RYR2: variants seen among roughly 807,000 people sequenced by gnomAD.
RYR2 encodes ryanodine receptor 2, also known as cardiac muscle ryanodine receptor-calcium release channel.
A neutral mutation model predicts 601.1 loss-of-function variants in RYR2; 227 were observed. That is an observed-to-expected ratio of 0.38 (90% CI 0.34 to 0.42). RYR2 has a LOEUF of 0.42. Among genes scored for constraint, RYR2 ranks in the 10% least tolerant of loss-of-function variants. The probability of loss-of-function intolerance (pLI) is 1.00; values close to 1 mark genes in which losing one functional copy is unlikely to be tolerated. For synonymous variants in RYR2, 2,223 were observed against 2,175.1 expected (o/e 1.02, Z -0.61); for missense variants, 4,646 against 6,156.5 (o/e 0.75, Z 8.21).
chr1:237,626,847 A>G (rs1353909242), intron 40 of RYR2, among the ~76,000 whole-genome samples: 2 of 152,022 alleles, frequency 1.3e-5, no homozygotes, highest in Non-Finnish European at 2.9e-5. Context: ...TGCTGGGATT[A>G]TAGGAGTGAG....
At chr1:237,377,057 G>A (rs1186753507) in intron 7 of RYR2, among the ~76,000 whole-genome samples, 1 of 152,038 alleles carries the variant, frequency 6.6e-6, no homozygotes, top group Non-Finnish European at 1.5e-5. Context: ...TTTAGCCTTA[G>A]ATGAGTATAA....
chr1:237,612,520 T>C (rs962185818), intron 36 of RYR2, among the ~76,000 whole-genome samples: 1 of 152,178 alleles, frequency 6.6e-6, no homozygotes, highest in Non-Finnish European at 1.5e-5. Flanking sequence ...TACATATGTA[T>C]TTACATTTTT....
intron 1 of RYR2, among the ~76,000 whole-genome samples, chr1:237,193,204 G>C (rs1680187969): frequency 6.6e-6 from 1 of 150,528 alleles, no homozygotes; most frequent in Non-Finnish European, 1.5e-5. Context: ...GGTGGCTCAA[G>C]TCTGTAATCA....
intron 35 of RYR2, among the ~76,000 whole-genome samples, chr1:237,603,516 C>T (rs951240747): frequency 6.6e-6 from 1 of 152,218 alleles, no homozygotes; most frequent in Non-Finnish European, 1.5e-5. Flanking sequence ...GAAACTGCGT[C>T]AACTAATGAG....
At chr1:237,385,280 G>A (rs974227172) in intron 8 of RYR2, among the ~76,000 whole-genome samples, 13 of 152,052 alleles carry the variant, frequency 8.5e-5, no homozygotes, top group African/African-American at 2.9e-4. Context: ...TTTTACATAT[G>A]CATATACATA....
At chr1:237,216,162 CAACTT>C (rs1398619757) in intron 1 of RYR2, among the ~76,000 whole-genome samples, 1 of 152,082 alleles carries the variant, frequency 6.6e-6, no homozygotes, top group African/African-American at 2.4e-5. Flanking sequence ...TTAGGACCTT[CAACTT>C]AACTTTAATT....
intron 2 of RYR2, among the ~76,000 whole-genome samples, chr1:237,324,102 A>C (rs1347011538): frequency 6.6e-6 from 1 of 152,216 alleles, no homozygotes; most frequent in African/African-American, 2.4e-5. Flanking sequence ...TGGGGTTTTG[A>C]AGCAATGTAA....
chr1:237,801,367 CAAAAA>C (rs71162423), intron 97 of RYR2, among the ~76,000 whole-genome samples: 1,696 of 95,482 alleles, frequency 0.018, 11 homozygotes, highest in African/African-American at 0.042. Context: ...CCCATCTCTA[CAAAAA>C]AAAAAAAAAA....
intron 100 of RYR2, among the ~76,000 whole-genome samples, chr1:237,810,967 CTG>C (rs1401145429): frequency 4.6e-5 from 7 of 152,054 alleles, no homozygotes; most frequent in Non-Finnish European, 7.4e-5. Context: ...TCATAGGACA[CTG>C]TGAACAAGGA....
chr1:237,352,862 A>G (rs761697314), intron 3 of RYR2: 1 of 515,932 alleles, frequency 1.9e-6, no homozygotes, highest in Non-Finnish European at 3.9e-6. Flanking sequence ...TTGGATAGGT[A>G]TACAAGGGTG....
chr1:237,624,001 C>T, intron 39 of RYR2, 131 bp downstream of exon 39: 2 of 654,056 alleles, frequency 3.1e-6, no homozygotes, highest in Non-Finnish European at 5.3e-6. Context: ...TATATAAAAA[C>T]ATTTATTATT....
intron 1 of RYR2, among the ~76,000 whole-genome samples, chr1:237,262,231 C>A (rs913261054): frequency 1.8e-5 from 2 of 112,042 alleles, no homozygotes; most frequent in African/African-American, 6.6e-5. Flanking sequence ...AATATTAGAT[C>A]TCTGTTCTAA....
chr1:237,624,885 T>C (rs1679474624), intron 39 of RYR2, among the ~76,000 whole-genome samples: 1 of 152,130 alleles, frequency 6.6e-6, no homozygotes, highest in Non-Finnish European at 1.5e-5. Flanking sequence ...TTAATGAAGA[T>C]AATAAAAACA....
chr1:237,056,477 C>T (rs1336413229), intron 1 of RYR2, among the ~76,000 whole-genome samples: 2 of 136,720 alleles, frequency 1.5e-5, no homozygotes, highest in African/African-American at 2.8e-5. Flanking sequence ...CCTGTGAGGA[C>T]TAGAGACTGC....
chr1:237,667,797 C>T, intron 57 of RYR2, 86 bp from the exon 58 acceptor site: 1 of 965,736 alleles, frequency 1.0e-6, no homozygotes, highest in East Asian at 2.8e-5. Context: ...ATGAGTTATT[C>T]CTTTACGGTA....
In RYR2 at chr1:237,377,409, G is replaced by A; in HGVS notation, c.550G>A (p.Val184Ile). 6.2e-7 allele frequency: 1 copy of A among 1,613,628 alleles called. No homozygotes were observed. Among genetic ancestry groups the A allele is most frequent in the Non-Finnish European group, 8.5e-7 (1 of 1,179,644 alleles). Reference protein sequence around the residue: ...KVRVGDDLILVSVSSERYLHL... With the variant: ...KVRVGDDLILISVSSERYLHL... ...ACGAGTTGGAGATGACCTCATCTTA[G>A]TTAGCGTGTCCTCTGAAAGGTACTT... Residue 184 changes from valine (V) to isoleucine (I), a missense_variant, in exon 8 of 105, where the codon GTT becomes ATT. Around this residue, in one of 17 missense-constraint regions of RYR2, gnomAD observed 87 missense variants for 144.7 expected, o/e 0.60. Transcript: ENST00000366574.
At chr1:237,497,584 T>C (rs1468276060) in intron 20 of RYR2, among the ~76,000 whole-genome samples, 1 of 152,210 alleles carries the variant, frequency 6.6e-6, no homozygotes. Flanking sequence ...TTATTTAGCA[T>C]ATGGAAGATG....
At chr1:237,135,513 G>A (rs926303431) in intron 1 of RYR2, among the ~76,000 whole-genome samples, 1 of 149,894 alleles carries the variant, frequency 6.7e-6, no homozygotes, top group Non-Finnish European at 1.5e-5. Context: ...GGGACTGCAG[G>A]CACCCGCCAC....
chr1:237,270,330 G>A, intron 1 of RYR2, 167 bp from the exon 2 acceptor site: 1 of 951,260 alleles, frequency 1.1e-6, no homozygotes, highest in Non-Finnish European at 1.6e-6. Flanking sequence ...AAGTACGTGA[G>A]GGATTGATTC....
Sources: allele counts gnomAD v4.1 joint callset (sites outside exome capture counted in the v4.1 genomes callset), GRCh38; gene constraint gnomAD v4.1.1; regional missense constraint gnomAD v4.1.1; transcripts MANE v1.5; gene names NCBI Gene and HGNC (gene_info 2026-07-23, HGNC 2026-07-21).